The following PCDH15 variants were observed in gnomAD, a reference collection of about 807,000 sequenced individuals.
PCDH15 encodes the protein protocadherin related 15.
PCDH15 carries 129 observed loss-of-function variants against 178.5 expected under a neutral mutation model. That is an observed-to-expected ratio of 0.72 (90% confidence interval 0.63 to 0.84). The LOEUF is 0.84. Ranked by LOEUF, PCDH15 falls within the 40% of genes least tolerant of loss-of-function variation. The pLI is 0.00. For synonymous variants in PCDH15, 800 were observed against 732.0 expected, an observed-to-expected ratio of 1.09 and a Z score of -1.50; for missense variants, 2,230 against 2,099.9, an observed-to-expected ratio of 1.06 and a Z score of -1.21.
chr10:54,728,245 G>T (rs11004510), intron 1 of PCDH15, among the ~76,000 whole-genome samples: 18,443 of 151,246 alleles, frequency 0.12, 1,255 homozygotes, highest in African/African-American at 0.17. Context: ...AATTATGAAG[G>T]CTTTATTCCT....
intron 2 of PCDH15, among the ~76,000 whole-genome samples, chr10:55,479,958 G>C (rs1840142424): frequency 6.6e-6 from 1 of 151,586 alleles, no homozygotes; most frequent in African/African-American, 2.4e-5. Context: ...TGTTCTTTTT[G>C]CTTAGGATTG....
intron 26 of PCDH15, among the ~76,000 whole-genome samples, chr10:53,878,476 G>A (rs968060039): frequency 1.4e-5 from 2 of 140,618 alleles, no homozygotes; most frequent in African/African-American, 5.3e-5. Context: ...CCATAGTATA[G>A]TATATATATA....
chr10:54,004,036 C>CCATATGAT (rs1222947004), intron 20 of PCDH15, among the ~76,000 whole-genome samples: 2 of 151,886 alleles, frequency 1.3e-5, no homozygotes, highest in African/African-American at 4.8e-5. Flanking sequence ...AAGAGAAAAA[C>CCATATGAT]CATATGATCA....
intron 1 of PCDH15, among the ~76,000 whole-genome samples, chr10:54,713,835 A>G (rs1216016268): frequency 6.6e-6 from 1 of 152,162 alleles, no homozygotes; most frequent in Non-Finnish European, 1.5e-5. Context: ...TTTATCAAAA[A>G]GGTTAAATCC....
At chr10:55,126,466 C>T (rs1242312748) in intron 2 of PCDH15, among the ~76,000 whole-genome samples, 1 of 152,002 alleles carries the variant, frequency 6.6e-6, no homozygotes, top group Non-Finnish European at 1.5e-5. Context: ...ATACTTTGGT[C>T]TCAATAGGGG....
chr10:54,996,377 G>T (rs1188093427), intron 2 of PCDH15, among the ~76,000 whole-genome samples: 1 of 152,184 alleles, frequency 6.6e-6, no homozygotes, highest in Non-Finnish European at 1.5e-5. Context: ...CCATTTGAAG[G>T]TTGAACAAGC....
In PCDH15 at chr10:55,507,642, A is replaced by C. The variant is rs578213117; in HGVS notation, c.-156+119983T>G. ...CGTGATCTCCCATTTGAATATAAAC[A>C]CTTTCATATAGCATAATTGGGAAAA... On this transcript the variant is annotated intron_variant, in intron 2 of 5. Coordinates refer to the PCDH15 transcript ENST00000613346. 5.3e-5 allele frequency among the ~76,000 whole-genome samples: 8 copies of C among 151,554 alleles called. No individual in the cohort carries two copies. The South Asian group carries it at 1.5e-3, about 28-fold the overall frequency.
chr10:53,886,625 AC>A (rs1187377428), intron 26 of PCDH15, among the ~76,000 whole-genome samples: 15 of 65,218 alleles, frequency 2.3e-4, no homozygotes, highest in East Asian at 1.5e-3. Flanking sequence ...TTTTTTTGGC[AC>A]CTTTGGGCTC....
At chr10:54,218,644 C>T (rs1015103054) in intron 9 of PCDH15, among the ~76,000 whole-genome samples, 1 of 152,120 alleles carries the variant, frequency 6.6e-6, no homozygotes, top group Non-Finnish European at 1.5e-5. Flanking sequence ...CTCAGGCCTC[C>T]AGAACTGTGA....
intron 15 of PCDH15, among the ~76,000 whole-genome samples, chr10:54,093,636 C>A (rs919278908): frequency 6.6e-6 from 1 of 152,134 alleles, no homozygotes; most frequent in Non-Finnish European, 1.5e-5. Context: ...ATAAATCTAA[C>A]CAGCCATCTC....
intron 1 of PCDH15, among the ~76,000 whole-genome samples, chr10:54,770,185 A>C (rs1246700913): frequency 6.6e-6 from 1 of 152,110 alleles, no homozygotes; most frequent in Non-Finnish European, 1.5e-5. Context: ...ATGTTTCTGC[A>C]TCTACATCAG....
At chr10:54,804,141 G>T (rs1185116797), upstream of PCDH15, among the ~76,000 whole-genome samples, 1 of 151,980 alleles carries the variant, frequency 6.6e-6, no homozygotes, top group African/African-American at 2.4e-5. Flanking sequence ...CTGGGTTCAC[G>T]CCATTCTCCT....
chr10:54,703,111 T>A (rs2095328643), intron 1 of PCDH15, among the ~76,000 whole-genome samples: 1 of 151,998 alleles, frequency 6.6e-6, no homozygotes, highest in Non-Finnish European at 1.5e-5. Context: ...CACATCAACA[T>A]AATTCACAAC....
intron 15 of PCDH15, among the ~76,000 whole-genome samples, chr10:54,129,663 G>A (rs911564924): frequency 1.3e-5 from 2 of 152,186 alleles, no homozygotes; most frequent in Non-Finnish European, 2.9e-5. Flanking sequence ...CACACTAAGT[G>A]TTAATTATAG....
intron 26 of PCDH15, among the ~76,000 whole-genome samples, chr10:53,881,510 G>A (rs1468398559): frequency 6.6e-6 from 1 of 152,002 alleles, no homozygotes; most frequent in African/African-American, 2.4e-5. Flanking sequence ...GAAAGTAATT[G>A]AGCATGACCA....
chr10:55,243,864 T>C (rs556966785), intron 1 of PCDH15, among the ~76,000 whole-genome samples: 2 of 152,268 alleles, frequency 1.3e-5, no homozygotes, highest in African/African-American at 4.8e-5. Context: ...CTGTATCTTA[T>C]TGTCTCTCTG....
At chr10:54,569,972 T>A (rs2089571782) in intron 2 of PCDH15, among the ~76,000 whole-genome samples, 1 of 152,100 alleles carries the variant, frequency 6.6e-6, no homozygotes. Flanking sequence ...AAATCAGACC[T>A]CTAGAGGAGG....
chr10:55,095,074 C>A (rs955927428), intron 2 of PCDH15, among the ~76,000 whole-genome samples: 1 of 151,736 alleles, frequency 6.6e-6, no homozygotes, highest in African/African-American at 2.4e-5. Context: ...GTGTATGCCA[C>A]CACGCCTGGC....
At chr10:53,984,736 T>C (rs528867773) in intron 21 of PCDH15, among the ~76,000 whole-genome samples, 3 of 152,346 alleles carry the variant, frequency 2.0e-5, no homozygotes, top group African/African-American at 7.2e-5. Context: ...TTTATTCTCA[T>C]ACCTGTTTTT....
Sources: gnomAD v4.1 joint callset for allele counts (sites outside exome capture counted in the v4.1 genomes callset) on GRCh38, gnomAD v4.1.1 for gene constraint, MANE v1.5 for transcripts, NCBI Gene and HGNC (gene_info 2026-07-23, HGNC 2026-07-21) for gene names.